ERCC6L: variants seen among roughly 807,000 people sequenced by gnomAD.
ERCC6L encodes the protein ERCC excision repair 6 like, spindle assembly checkpoint helicase, also known as DNA excision repair protein ERCC-6-like.
Under a neutral mutation model 20.1 loss-of-function variants are expected in ERCC6L, and 7 were observed. The observed-to-expected ratio is 0.35, with a 90% CI of 0.20 to 0.65. The LOEUF (loss-of-function observed/expected upper bound fraction) is 0.65. Among genes scored for constraint, ERCC6L ranks in the 30% least tolerant of loss-of-function variants. The probability of loss-of-function intolerance (pLI) is 0.69; values close to 1 mark genes in which losing one functional copy is unlikely to be tolerated. For missense variants in ERCC6L, 592 were observed against 892.4 expected (o/e 0.66, Z 4.29); for synonymous variants, 278 against 331.3 (o/e 0.84, Z 1.75).
At chrX:72,222,595 C>CTTTT (rs758259884) in intron 1 of ERCC6L, among the ~76,000 whole-genome samples, 1 of 85,041 alleles carries the variant, frequency 1.2e-5, no homozygotes, top group South Asian at 6.0e-4. Flanking sequence ...AGAATCCAGC[C>CTTTT]TTTTTTTTTT....
At position 72,205,132 on chromosome X, in the gene ERCC6L, T is replaced by C. The variant is rs1413704568; in HGVS notation, c.3635A>G (p.Glu1212Gly). Residue 1212 changes from glutamate to glycine, a missense_variant, in exon 2 of 2, where the codon GAG becomes GGG. Physicochemically the swap from Glu to Gly is moderately conservative, Grantham distance 98. Around this residue, in one of 3 missense-constraint regions of ERCC6L, gnomAD observed 352 missense variants for 402.6 expected, o/e 0.87. Transcript: ENST00000334463. ...TLVKRGKELKECGKIQEALNC... is the reference protein window; with the variant it reads ...TLVKRGKELKGCGKIQEALNC... ...TAGGGCCTCCTGGATTTTTCCACAC[T>C]CTTTTAGTTCTTTTCCACGCTTTAC... 5.0e-6 allele frequency: 6 copies of C among 1,211,503 alleles called. No individual in the cohort carries two copies. The highest frequency in any genetic ancestry group is 6.7e-6 in the Non-Finnish European group (6 of 895,431).
chrX:72,219,002 T>TCCCAGC (rs1297180305), intron 1 of ERCC6L, among the ~76,000 whole-genome samples: 3 of 112,866 alleles, frequency 2.7e-5, no homozygotes, highest in African/African-American at 9.7e-5. Context: ...ACGCCTGTGA[T>TCCCAGC]CCCAGCACTT....
At chrX:72,213,103 T>G (rs2042865772) in intron 1 of ERCC6L, among the ~76,000 whole-genome samples, 1 of 112,384 alleles carries the variant, frequency 8.9e-6, no homozygotes, top group Non-Finnish European at 1.9e-5. Flanking sequence ...AGCCTAGACC[T>G]GCTAATCTCG....
At chrX:72,226,868 A>T (rs1485134648) in intron 1 of ERCC6L, among the ~76,000 whole-genome samples, 1 of 111,870 alleles carries the variant, frequency 8.9e-6, no homozygotes. Context: ...GCTCTTTTAT[A>T]GGACATTCAC....
intron 1 of ERCC6L, among the ~76,000 whole-genome samples, chrX:72,238,621 G>A (rs1393189054): frequency 8.9e-6 from 1 of 112,634 alleles, no homozygotes; most frequent in African/African-American, 3.2e-5. Flanking sequence ...CCATACTGGA[G>A]GGTCATTTGC....
intron 1 of ERCC6L, among the ~76,000 whole-genome samples, chrX:72,225,597 C>T (rs894547315): frequency 8.9e-6 from 1 of 112,185 alleles, no homozygotes; most frequent in African/African-American, 3.2e-5. Context: ...AAGGGACTTA[C>T]TTTCTTTCCT....
chrX:72,214,655 A>G (rs1355504704), intron 1 of ERCC6L, among the ~76,000 whole-genome samples: 4 of 99,328 alleles, frequency 4.0e-5, no homozygotes, highest in African/African-American at 1.5e-4. Context: ...CCTGGATGAC[A>G]GAGTGAGACT....
intron 1 of ERCC6L, among the ~76,000 whole-genome samples, chrX:72,234,117 A>G (rs2043002806): frequency 8.9e-6 from 1 of 112,005 alleles, no homozygotes; most frequent in African/African-American, 3.2e-5. Flanking sequence ...CTCAAAAAAA[A>G]AAAAGAATAT....
intron 1 of ERCC6L, among the ~76,000 whole-genome samples, chrX:72,231,442 A>G (rs141051466): frequency 9.3e-4 from 104 of 111,871 alleles, no homozygotes; most frequent in African/African-American, 3.3e-3. Context: ...ATGTTAGTCA[A>G]TGGTACAAAG....
intron 1 of ERCC6L, among the ~76,000 whole-genome samples, chrX:72,219,084 C>T (rs943327616): frequency 4.5e-5 from 5 of 111,463 alleles, no homozygotes; most frequent in Non-Finnish European, 9.4e-5. Context: ...AGTGAAACCC[C>T]GTCCCTACTA....
Position 72,204,909 on chromosome X carries a change from T to C in ERCC6L, c.*105A>G. On this transcript the variant is annotated 3_prime_UTR_variant, in exon 2 of 2. Transcript: ENST00000334463. ...CAGAAGTTGCTTTTTGAGATCTTTC[T>C]TGCCTTAAGCCTGAATGCTTCATGT... The C allele has an allele frequency of 2.7e-6, 2 of 733,283 alleles. No individual in the cohort carries two copies. Among genetic ancestry groups the C allele is most frequent in the Non-Finnish European group, 3.8e-6 (2 of 522,909 alleles). The allele number at this position is 733,283 out of a possible 1,213,427, so 60.4% of individuals were successfully genotyped here. A position where few individuals can be genotyped will look rare whatever the true frequency, so the allele number is the denominator to read the frequency against.
intron 1 of ERCC6L, among the ~76,000 whole-genome samples, chrX:72,230,350 A>G (rs2147602301): frequency 9.1e-6 from 1 of 109,953 alleles, no homozygotes; most frequent in South Asian, 4.0e-4. Context: ...GGCTGGAAAG[A>G]TGTCTGCCCC....
At chrX:72,219,449 GA>G (rs1411904049) in intron 1 of ERCC6L, among the ~76,000 whole-genome samples, 1 of 109,576 alleles carries the variant, frequency 9.1e-6, no homozygotes, top group South Asian at 4.0e-4. Flanking sequence ...AGCTACTCAG[GA>G]GGCAGAGGCA....
chrX:72,204,992 A>G lies in ERCC6L; in HGVS notation c.*22T>C. 2.6e-6 allele frequency: 3 copies of G among 1,132,783 alleles called. No individual in the cohort carries two copies. The highest frequency in any genetic ancestry group is 1.8e-5 in the African/African-American group (1 of 55,107). The allele number at this position is 1,132,783 out of a possible 1,213,427, so 93.4% of individuals were successfully genotyped here. A position where few individuals can be genotyped will look rare whatever the true frequency, so the allele number is the denominator to read the frequency against. On this transcript the variant is annotated 3_prime_UTR_variant, in exon 2 of 2. Coordinates refer to ENST00000334463, the MANE Select transcript of ERCC6L (RefSeq NM_017669.4). ...CCCTCATATTCAGTTTCACTTTAAAATACAATAAACAGGTTACATTCTCAA... is the reference window on the plus strand; with the variant it reads ...CCCTCATATTCAGTTTCACTTTAAAGTACAATAAACAGGTTACATTCTCAA...
In ERCC6L at chrX:72,237,342, CA is replaced by C. The variant is rs747623563; in HGVS notation, c.68+1501del. On this transcript the variant is annotated intron_variant, in intron 1 of 1. Transcript: ENST00000334463. ...CGAGACCCTGTCTCTACTAAAAACA[CA>C]AAAAAAATACTTTGGGAGGCCGAGG... 3.5e-4 allele frequency among the ~76,000 whole-genome samples: 38 copies of C among 110,028 alleles called. 1 individual carries two copies. The highest frequency in any genetic ancestry group is 5.5e-4 in the Non-Finnish European group (29 of 52,559).
At position 72,230,485 on chromosome X, in the gene ERCC6L, A is replaced by C. The variant is rs968526056; in HGVS notation, c.68+8359T>G. On this transcript the variant is annotated intron_variant, in intron 1 of 1. Coordinates refer to ENST00000334463, the MANE Select transcript of ERCC6L (RefSeq NM_017669.4). ...AAACCAATATATACTCTTAGTCTGTAAGAGAAAGCACTCCTGACCAAAAAT... is the reference window on the plus strand; with the variant it reads ...AAACCAATATATACTCTTAGTCTGTCAGAGAAAGCACTCCTGACCAAAAAT... Among the ~76,000 whole-genome samples the C allele has an allele frequency of 2.7e-5, 3 of 112,229 alleles. No homozygotes were observed. The South Asian group carries it at 1.1e-3, about 41-fold the overall frequency.
intron 1 of ERCC6L, among the ~76,000 whole-genome samples, chrX:72,224,035 G>A (rs1029273005): frequency 9.0e-6 from 1 of 111,315 alleles, no homozygotes; most frequent in East Asian, 2.8e-4. Context: ...TTCACTGCTG[G>A]TACTGACAAC....
At chrX:72,238,316 G>T (rs1233995978) in intron 1 of ERCC6L, among the ~76,000 whole-genome samples, 2 of 111,336 alleles carry the variant, frequency 1.8e-5, no homozygotes, top group Non-Finnish European at 3.8e-5. Flanking sequence ...ATTTTTCAAC[G>T]CCTAGCTCAA....
intron 1 of ERCC6L, among the ~76,000 whole-genome samples, chrX:72,234,343 G>A (rs189659576): frequency 8.9e-6 from 1 of 111,891 alleles, no homozygotes; most frequent in East Asian, 2.8e-4. Flanking sequence ...ACTACTGGTC[G>A]AGGTAGATGA....
Sources: gnomAD v4.1 joint callset for allele counts (sites outside exome capture counted in the v4.1 genomes callset) on GRCh38, gnomAD v4.1.1 for gene constraint, gnomAD v4.1.1 regional missense constraint, MANE v1.5 for transcripts, NCBI Gene and HGNC (gene_info 2026-07-23, HGNC 2026-07-21) for gene names.